Variants in MECOM observed in about 807,000 individuals in gnomAD.
MECOM encodes the protein histone-lysine N-methyltransferase MECOM.
Under a neutral mutation model 116.3 loss-of-function variants are expected in MECOM, and 13 were observed. That is an observed-to-expected ratio of 0.11 (90% CI 0.07 to 0.18). The LOEUF (loss-of-function observed/expected upper bound fraction) is 0.18, where lower values mean the gene tolerates loss of function less well. Among genes scored for constraint, MECOM ranks in the 10% least tolerant of loss-of-function variants. MECOM has a pLI of 1.00. For missense variants in MECOM, 1,299 were observed against 1,509.0 expected (o/e 0.86, Z 2.31); for synonymous variants, 528 against 535.2 (o/e 0.99, Z 0.19).
intron 1 of MECOM, among the ~76,000 whole-genome samples, chr3:169,384,628 A>G (rs904647385): frequency 3.3e-5 from 5 of 152,356 alleles, no homozygotes; most frequent in Admixed American, 2.0e-4. Flanking sequence ...TGAGAAATAT[A>G]AATTGTAAAA....
chr3:169,468,157 C>T (rs1156420137), intron 1 of MECOM, among the ~76,000 whole-genome samples: 2 of 151,718 alleles, frequency 1.3e-5, no homozygotes, highest in East Asian at 3.9e-4. Flanking sequence ...TGTTTCCTCC[C>T]ACTCTCCCAG....
intron 1 of MECOM, among the ~76,000 whole-genome samples, chr3:169,634,241 A>AACACAC (rs59934753): frequency 8.7e-5 from 13 of 149,062 alleles, no homozygotes; most frequent in African/African-American, 1.5e-4. Flanking sequence ...TGTGTGCACA[A>AACACAC]ACACACACAC....
At chr3:169,485,900 A>G in intron 1 of MECOM, among the ~76,000 whole-genome samples, 1 of 138,638 alleles carries the variant, frequency 7.2e-6, no homozygotes, top group South Asian at 2.1e-4. Context: ...TATAGTATAT[A>G]TAGTATATAT....
At chr3:169,103,720 G>A (rs796928224) in intron 10 of MECOM, among the ~76,000 whole-genome samples, 19 of 152,254 alleles carry the variant, frequency 1.2e-4, no homozygotes, top group African/African-American at 4.3e-4. Flanking sequence ...AAATTAACAA[G>A]ACATATATTC....
chr3:169,354,006 G>A (rs189078765), intron 2 of MECOM, among the ~76,000 whole-genome samples: 174 of 151,776 alleles, frequency 1.1e-3, no homozygotes, highest in Non-Finnish European at 2.0e-3. Context: ...CAGTAGATTC[G>A]CATAGCTGAA....
Position 169,589,188 on chromosome 3 carries a change from C to T in MECOM, c.37+74148G>A, listed in dbSNP as rs531994585. On this transcript the variant is annotated intron_variant, in intron 1 of 16. Transcript: ENST00000651503. Reference sequence around the variant, plus strand: ...AAGTCTTAGGGAAAGAAATAAACTCCGAATTATTAACCTGTTGCTAATTTT... The same window carrying T: ...AAGTCTTAGGGAAAGAAATAAACTCTGAATTATTAACCTGTTGCTAATTTT... Among the ~76,000 whole-genome samples, 7 of 151,934 alleles carry T rather than the reference C, an allele frequency of 4.6e-5. No individual in the cohort carries two copies. In the South Asian group the frequency reaches 1.0e-3, roughly 23 times the overall value.
intron 1 of MECOM, among the ~76,000 whole-genome samples, chr3:169,623,501 T>C (rs1005355050): frequency 5.3e-4 from 80 of 152,176 alleles, no homozygotes; most frequent in African/African-American, 1.9e-3. Flanking sequence ...ATAAAAAATA[T>C]AGATTAATGT....
At position 169,610,340 on chromosome 3, in the gene MECOM, A is replaced by G. The variant is rs80133774; in HGVS notation, c.37+52996T>C. ...GATGTAATGGGGGAAAGGGAAGAAT[A>G]TGATAATGATAATGACAATGATGAG... is the stretch of plus-strand genomic sequence containing the variant. On this transcript the variant is annotated intron_variant, in intron 1 of 16. Coordinates refer to ENST00000651503, the MANE Select transcript of MECOM (RefSeq NM_004991.4). 2.6e-5 allele frequency among the ~76,000 whole-genome samples: 4 copies of G among 152,300 alleles called. No homozygotes were observed. In the East Asian group the frequency reaches 5.8e-4, roughly 22 times the overall value.
intron 2 of MECOM, among the ~76,000 whole-genome samples, chr3:169,374,471 G>A (rs1234739344): frequency 6.6e-6 from 1 of 151,848 alleles, no homozygotes. Context: ...TCAAAACATT[G>A]CACTAGGAGA....
In MECOM at chr3:169,594,174, A is replaced by AAAAAAAAAAAAAAAAAAAAC. The variant is rs1255613781; in HGVS notation, c.37+69161_37+69162insGTTTTTTTTTTTTTTTTTTT. 2.2e-3 allele frequency among the ~76,000 whole-genome samples: 282 copies of AAAAAAAAAAAAAAAAAAAAC among 125,908 alleles called. 14 individuals are homozygous for AAAAAAAAAAAAAAAAAAAAC. Among genetic ancestry groups the AAAAAAAAAAAAAAAAAAAAC allele is most frequent in the Non-Finnish European group, 3.1e-3 (189 of 61,674 alleles). The allele number at this position is 125,908 out of a possible 152,430, so 82.6% of individuals were successfully genotyped here. On this transcript the variant is annotated intron_variant, in intron 1 of 16. Transcript: ENST00000651503. ...CACCACAAAAAAAAAAAAAAAAAAA[A>AAAAAAAAAAAAAAAAAAAAC]AACACCTTTTCACCTAAGTACCTCA...
chr3:169,152,208 G>T (rs1324446289), intron 2 of MECOM, among the ~76,000 whole-genome samples: 2 of 151,974 alleles, frequency 1.3e-5, no homozygotes, highest in Non-Finnish European at 1.5e-5. Flanking sequence ...GATTACTGGT[G>T]ACTCTTGGTG....
At chr3:169,458,769 G>A (rs17487428) in intron 1 of MECOM, among the ~76,000 whole-genome samples, 3,479 of 152,234 alleles carry the variant, frequency 0.023, 58 homozygotes, top group Non-Finnish European at 0.035. Flanking sequence ...AAATGTAGCC[G>A]CACACTGGAC....
chr3:169,640,170 C>T (rs11718956), intron 1 of MECOM, among the ~76,000 whole-genome samples: 1 of 148,274 alleles, frequency 6.7e-6, no homozygotes, highest in Non-Finnish European at 1.5e-5. Context: ...ATTTTTAATT[C>T]AAAAAAAATT....
At chr3:169,441,021 A>T (rs1421538470) in intron 1 of MECOM, among the ~76,000 whole-genome samples, 1 of 152,216 alleles carries the variant, frequency 6.6e-6, no homozygotes, top group African/African-American at 2.4e-5. Context: ...AATAGTTTAA[A>T]TAATCTAGAG....
At position 169,314,077 on chromosome 3, in the gene MECOM, A is replaced by G. The variant is rs141779721; in HGVS notation, c.375+67110T>C. On this transcript the variant is annotated intron_variant, in intron 2 of 16. Coordinates refer to ENST00000651503, the MANE Select transcript of MECOM (RefSeq NM_004991.4). ...TATTTCTGACTTCTCATACTGTATG[A>G]TCTGCTGTACACAATTAGCTACACT... Among the ~76,000 whole-genome samples, 9 of 152,322 alleles carry G rather than the reference A, an allele frequency of 5.9e-5. No homozygotes were observed. In the East Asian group the frequency reaches 1.7e-3, roughly 29 times the overall value.
chr3:169,589,267 C>A (rs2109618064), intron 1 of MECOM, among the ~76,000 whole-genome samples: 1 of 151,966 alleles, frequency 6.6e-6, no homozygotes, highest in East Asian at 1.9e-4. Context: ...GGATATTAAC[C>A]TAGGCTGTCC....
At chr3:169,091,632 C>A (rs1282164838) in intron 14 of MECOM, among the ~76,000 whole-genome samples, 1 of 152,016 alleles carries the variant, frequency 6.6e-6, no homozygotes, top group Non-Finnish European at 1.5e-5. Context: ...GACAGACAGA[C>A]ACGCACACAC....
intron 1 of MECOM, among the ~76,000 whole-genome samples, chr3:169,636,051 C>A (rs976956601): frequency 6.6e-6 from 1 of 152,110 alleles, no homozygotes; most frequent in Non-Finnish European, 1.5e-5. Context: ...TGGCCATATA[C>A]CCCGGTGAAG....
chr3:169,224,881 T>A (rs543794005), intron 2 of MECOM, among the ~76,000 whole-genome samples: 27 of 152,262 alleles, frequency 1.8e-4, no homozygotes, highest in African/African-American at 6.5e-4. Context: ...GGATACAAAT[T>A]AGATTTCCCC....
Sources: allele counts gnomAD v4.1 joint callset (sites outside exome capture counted in the v4.1 genomes callset), GRCh38; gene constraint gnomAD v4.1.1; transcripts MANE v1.5; gene names NCBI Gene and HGNC (gene_info 2026-07-23, HGNC 2026-07-21).